FIP1L1: variants seen among roughly 807,000 people sequenced by gnomAD.
The protein encoded by FIP1L1 is pre-mRNA 3'-end-processing factor FIP1.
A neutral mutation model predicts 84.6 loss-of-function variants in FIP1L1; 21 were observed. The observed-to-expected ratio is 0.25, with a 90% CI of 0.18 to 0.36. The LOEUF is 0.36. FIP1L1 is among the 10% of genes least tolerant of loss of function. The pLI, the probability that FIP1L1 is intolerant of heterozygous loss-of-function variation, is 1.00. For missense variants in FIP1L1, 526 were observed against 751.1 expected, an observed-to-expected ratio of 0.70 and a Z score of 3.50; for synonymous variants, 263 against 242.3, an observed-to-expected ratio of 1.09 and a Z score of -0.80.
chr4:53,396,407 C>T (rs1038529950), intron 9 of FIP1L1, among the ~76,000 whole-genome samples: 5 of 151,584 alleles, frequency 3.3e-5, no homozygotes, highest in African/African-American at 1.2e-4. Flanking sequence ...CAATTAGAAT[C>T]TTTTTTTTTC....
intron 8 of FIP1L1, 48 bp downstream of exon 8, chr4:53,391,187 C>A: frequency 1.3e-6 from 2 of 1,550,100 alleles, no homozygotes; most frequent in Non-Finnish European, 1.7e-6. Flanking sequence ...TACCGTCCCA[C>A]TTTTACTCCC....
intron 16 of FIP1L1, among the ~76,000 whole-genome samples, chr4:53,454,341 G>C (rs186567976): frequency 3.3e-5 from 5 of 152,326 alleles, no homozygotes; most frequent in Non-Finnish European, 5.9e-5. Context: ...TACCATCAAA[G>C]TTTGTGTAAG....
intron 15 of FIP1L1, among the ~76,000 whole-genome samples, chr4:53,446,914 C>G (rs1295047997): frequency 6.6e-6 from 1 of 152,064 alleles, no homozygotes; most frequent in East Asian, 1.9e-4. Context: ...CTTTCCTGCC[C>G]CCAACTCTTC....
At chr4:53,393,763 GGCCCCC>G (rs1560498945) in intron 9 of FIP1L1, among the ~76,000 whole-genome samples, 62 of 5,850 alleles carry the variant, frequency 0.011, no homozygotes, top group African/African-American at 0.031. Context: ...TTTTCCCCCC[GGCCCCC>G]CCCCCCCCCC....
chr4:53,410,798 A>T (rs1204736818), intron 10 of FIP1L1, among the ~76,000 whole-genome samples: 1 of 152,172 alleles, frequency 6.6e-6, no homozygotes, highest in African/African-American at 2.4e-5. Context: ...CTCTTTTATT[A>T]TTGTTAATTT....
intron 16 of FIP1L1, among the ~76,000 whole-genome samples, chr4:53,456,256 T>A (rs953030220): frequency 2.3e-4 from 35 of 152,160 alleles, no homozygotes; most frequent in African/African-American, 8.4e-4. Context: ...AACACATTGT[T>A]TATAGAAGAT....
intron 11 of FIP1L1, among the ~76,000 whole-genome samples, chr4:53,424,621 G>C (rs1177574016): frequency 6.6e-6 from 1 of 152,098 alleles, no homozygotes; most frequent in East Asian, 1.9e-4. Context: ...AAACATTTCA[G>C]ATGTCATGAT....
In FIP1L1 at chr4:53,459,809, CTT is replaced by C. The variant is rs1195385406; in HGVS notation, c.*361_*362del. On this transcript the variant is annotated 3_prime_UTR_variant, in exon 18 of 18. Transcript: ENST00000337488. ...TTTTTTGTTAATCAAACACCACTCT[CTT>C]AAGAGGCTGCATCACAAAAGGCAAC... is the stretch of plus-strand genomic sequence containing the variant. 6 of 301,310 alleles carry C rather than the reference CTT, an allele frequency of 2.0e-5. No individual in the cohort carries two copies. The East Asian group carries it at 3.2e-4, about 16-fold the overall frequency. The allele number at this position is 301,310 out of a possible 1,614,324, so 18.7% of individuals were successfully genotyped here.
At chr4:53,436,951 A>G (rs1027010344) in intron 13 of FIP1L1, among the ~76,000 whole-genome samples, 25 of 152,242 alleles carry the variant, frequency 1.6e-4, no homozygotes, top group African/African-American at 5.1e-4. Flanking sequence ...GCACTTTGAG[A>G]GGCCAAGGCG....
rs773777761 is a variant in FIP1L1 at position 53,379,203 on chromosome 4, ATTTG to A, written c.131-18_131-15del. The A allele has an allele frequency of 2.5e-5, 40 of 1,605,786 alleles. No homozygotes were observed. The highest frequency in any genetic ancestry group is 6.8e-5 in the Admixed American group (4 of 58,552). On this transcript the variant is annotated intron_variant, in intron 2 of 17. Transcript: ENST00000337488. The stretch of plus-strand genomic sequence containing the variant: ...CTTTATTTTGTTTGCTTATTTATTT[ATTTG>A]TTTATTTTACTTGGTAGATGAAAAT...
Position 53,427,484 on chromosome 4 carries a change from A to G in FIP1L1, c.1018-543A>G, listed in dbSNP as rs533137045. ...CTGGTCTTAAAGTTACAAGGCTCAC[A>G]TGATAAAGTTACTTACATATCTTGC... On this transcript the variant is annotated intron_variant, in intron 12 of 17. Coordinates refer to ENST00000337488, the MANE Select transcript of FIP1L1 (RefSeq NM_030917.4). Among the ~76,000 whole-genome samples, 5 of 152,296 alleles carry G rather than the reference A, an allele frequency of 3.3e-5. No individual in the cohort carries two copies. In the East Asian group the frequency reaches 9.6e-4, roughly 29 times the overall value.
Position 53,452,974 on chromosome 4 carries a change from C to T in FIP1L1, c.1340C>T (p.Thr447Ile). The change falls in exon 16 of 18, where the codon ACC becomes ATC. Residue 447 changes from threonine (T) to isoleucine (I), a missense_variant. This residue lies in a region of FIP1L1 where 83 missense variants were observed against 93.8 expected (regional missense o/e 0.88). Coordinates refer to ENST00000337488, the MANE Select transcript of FIP1L1 (RefSeq NM_030917.4). The stretch of plus-strand genomic sequence containing the variant: ...CCTTCGTGGCCTAGTCTTGTGGACA[C>T]CAGCAAGCAGTGGGACTATTATGCC... ...SAPSWPSLVD[T>I]SKQWDYYARR... 2 of 1,613,296 alleles carry T rather than the reference C, an allele frequency of 1.2e-6. No homozygotes were observed. Among genetic ancestry groups the T allele is most frequent in the South Asian group, 1.1e-5 (1 of 91,022 alleles).
chr4:53,408,312 G>C (rs1754961034), intron 10 of FIP1L1, among the ~76,000 whole-genome samples: 1 of 152,170 alleles, frequency 6.6e-6, no homozygotes, highest in Non-Finnish European at 1.5e-5. Context: ...TAAGAATGTT[G>C]AATATTGGCC....
intron 10 of FIP1L1, among the ~76,000 whole-genome samples, chr4:53,405,824 T>C (rs1389760402): frequency 2.6e-5 from 4 of 151,458 alleles, no homozygotes; most frequent in Non-Finnish European, 4.4e-5. Context: ...GTTATTGGTG[T>C]ATAAGAATGC....
intron 10 of FIP1L1, among the ~76,000 whole-genome samples, chr4:53,410,399 A>G (rs6554103): frequency 0.81 from 123,544 of 152,122 alleles, 50,313 homozygotes; most frequent in Middle Eastern, 0.85. Flanking sequence ...TTAGTTGGTC[A>G]TTGTCAACTT....
At chr4:53,393,878 C>T (rs1312908819) in intron 9 of FIP1L1, among the ~76,000 whole-genome samples, 8 of 145,718 alleles carry the variant, frequency 5.5e-5, no homozygotes, top group African/African-American at 7.5e-5. Context: ...CAAGCATTCT[C>T]GATTTGGAAG....
At position 53,452,805 on chromosome 4, in the gene FIP1L1, T is replaced by G. The variant is rs114596208; in HGVS notation, c.1286-115T>G. ...GGGTATTCATTCACCATGTGATATT[T>G]CTCTTTTCTATTTATAAAATGAATT... On this transcript the variant is annotated intron_variant, in intron 15 of 17. Coordinates refer to ENST00000337488, the MANE Select transcript of FIP1L1 (RefSeq NM_030917.4). 478 of 735,626 alleles carry G rather than the reference T, an allele frequency of 6.5e-4. 2 individuals are homozygous for G. In the African/African-American group the frequency reaches 7.7e-3, roughly 12 times the overall value. 45.6% of individuals were successfully genotyped at this position (735,626 alleles called of 1,614,324 possible).
chr4:53,377,730 T>G lies in FIP1L1; in HGVS notation c.-109T>G. On this transcript the variant is annotated 5_prime_UTR_variant, in exon 1 of 18. Coordinates refer to ENST00000337488, the MANE Select transcript of FIP1L1 (RefSeq NM_030917.4). Reference sequence around the variant, plus strand: ...GGATTGGAGTCTCGAGCTTTCTTCGTTCGTTCGTCGGCGGGTTCGCGCCCT... The same window carrying G: ...GGATTGGAGTCTCGAGCTTTCTTCGGTCGTTCGTCGGCGGGTTCGCGCCCT... 1 of 1,024,748 alleles carries G rather than the reference T, an allele frequency of 9.8e-7. No homozygotes were observed. Among genetic ancestry groups the G allele is most frequent in the Non-Finnish European group, 1.4e-6 (1 of 730,868 alleles). 63.5% of individuals were successfully genotyped at this position (1,024,748 alleles called of 1,614,324 possible).
In FIP1L1 at chr4:53,460,324, A is replaced by AT. The variant is rs764042342; in HGVS notation, c.*876dup. 13 of 189,608 alleles carry AT rather than the reference A, an allele frequency of 6.9e-5. No homozygotes were observed. In the South Asian group the frequency reaches 7.8e-4, roughly 11 times the overall value. The allele number at this position is 189,608 out of a possible 1,614,324, so 11.7% of individuals were successfully genotyped here. A position where few individuals can be genotyped will look rare whatever the true frequency, so the allele number is the denominator to read the frequency against. ...ATTCTCTGAGCGAGCATTTTTAGGGATAAGCCTAGGAGGTATTCATCGGTG... is the reference window on the plus strand; with the variant it reads ...ATTCTCTGAGCGAGCATTTTTAGGGATTAAGCCTAGGAGGTATTCATCGGTG... On this transcript the variant is annotated 3_prime_UTR_variant, in exon 18 of 18. Coordinates refer to ENST00000337488, the MANE Select transcript of FIP1L1 (RefSeq NM_030917.4).
Sources: gnomAD v4.1 joint callset for allele counts (sites outside exome capture counted in the v4.1 genomes callset) on GRCh38, gnomAD v4.1.1 for gene constraint, gnomAD v4.1.1 regional missense constraint, MANE v1.5 for transcripts, NCBI Gene and HGNC (gene_info 2026-07-23, HGNC 2026-07-21) for gene names.